The following VWA2 variants were observed in gnomAD, a reference collection of about 807,000 sequenced individuals.
VWA2 encodes the protein von Willebrand factor A domain-containing protein 2.
Under a neutral mutation model 70.4 loss-of-function variants are expected in VWA2, and 73 were observed. The observed-to-expected ratio is 1.04, with a 90% CI of 0.86 to 1.26. The LOEUF (loss-of-function observed/expected upper bound fraction) is 1.26. Among genes scored for constraint, VWA2 ranks in the 50% most tolerant of loss-of-function variants. The pLI, the probability that VWA2 is intolerant of heterozygous loss-of-function variation, is 0.00. For missense variants in VWA2, 1,011 were observed against 998.5 expected, an observed-to-expected ratio of 1.01 and a Z score of -0.17; for synonymous variants, 407 against 423.3, an observed-to-expected ratio of 0.96 and a Z score of 0.47.
chr10:114,259,664 G>A (rs1385422935), intron 4 of VWA2, among the ~76,000 whole-genome samples: 1 of 152,024 alleles, frequency 6.6e-6, no homozygotes, highest in African/African-American at 2.4e-5. Flanking sequence ...ATTTTTGGTA[G>A]ATTGCTCTCC....
chr10:114,284,542 GCT>G (rs1421323013), intron 9 of VWA2, among the ~76,000 whole-genome samples: 2 of 152,186 alleles, frequency 1.3e-5, no homozygotes, highest in African/African-American at 2.4e-5. Context: ...TGGCACCGCA[GCT>G]CTCTCTCAGT....
chr10:114,285,650 G>C (rs1343891409), intron 10 of VWA2, among the ~76,000 whole-genome samples: 1 of 152,212 alleles, frequency 6.6e-6, no homozygotes, highest in East Asian at 1.9e-4. Flanking sequence ...TCTTGAGGCA[G>C]ACAAAGATTT....
chr10:114,282,017 C>CTTTTTTTTTT (rs144974085), intron 8 of VWA2, among the ~76,000 whole-genome samples: 3 of 119,704 alleles, frequency 2.5e-5, no homozygotes, highest in African/African-American at 3.2e-5. Context: ...CTTATGTTAC[C>CTTTTTTTTTT]TTTTTTTTTT....
intron 8 of VWA2, chr10:114,281,616 T>G (rs1434537110): frequency 7.1e-6 from 3 of 425,492 alleles, no homozygotes; most frequent in Non-Finnish European, 9.4e-6. Flanking sequence ...AGTCATTGAG[T>G]CCAGTGGCTT....
At chr10:114,262,397 T>TAC (rs1184147761) in intron 5 of VWA2, among the ~76,000 whole-genome samples, 1 of 151,982 alleles carries the variant, frequency 6.6e-6, no homozygotes, top group Non-Finnish European at 1.5e-5. Context: ...TGTATATACA[T>TAC]ACACACATAT....
chr10:114,275,877 G>A (rs1345371731), intron 6 of VWA2, among the ~76,000 whole-genome samples: 1 of 152,316 alleles, frequency 6.6e-6, no homozygotes, highest in Non-Finnish European at 1.5e-5. Flanking sequence ...ACAGTGAGCC[G>A]AGATTACGCC....
At chr10:114,256,125 A>G (rs1351842703) in intron 4 of VWA2, among the ~76,000 whole-genome samples, 1 of 152,240 alleles carries the variant, frequency 6.6e-6, no homozygotes, top group East Asian at 1.9e-4. Flanking sequence ...ATTCTACAGT[A>G]CACATGCCCA....
intron 5 of VWA2, among the ~76,000 whole-genome samples, chr10:114,269,505 C>T (rs2037659152): frequency 1.3e-5 from 2 of 152,084 alleles, no homozygotes; most frequent in Admixed American, 1.3e-4. Context: ...CGCTTAAGCC[C>T]AGGTGGTGGA....
chr10:114,246,008 C>T (rs777842964), intron 1 of VWA2: 4 of 573,672 alleles, frequency 7.0e-6, no homozygotes, highest in Non-Finnish European at 1.3e-5. Context: ...ATTGGGTGGT[C>T]AGTACATGCT....
rs758577551 is a variant in VWA2, at chr10:114,291,270, C to T, written c.*33C>T. The T allele has an allele frequency of 1.9e-5, 29 of 1,544,794 alleles. No homozygotes were observed. Among genetic ancestry groups the T allele is most frequent in the Non-Finnish European group, 2.4e-5 (28 of 1,144,450 alleles). On this transcript the variant is annotated 3_prime_UTR_variant, in exon 14 of 14. Transcript: ENST00000392982. ...GGCTCCCGTGCAGGAGGGCAGCAGC[C>T]GTACCCCTCCCAGCAACTACAGAGA...
At chr10:114,288,469 A>ACAAACC (rs1274878101) in intron 11 of VWA2, among the ~76,000 whole-genome samples, 3 of 152,242 alleles carry the variant, frequency 2.0e-5, no homozygotes, top group Non-Finnish European at 2.9e-5. Flanking sequence ...AGGGTTGCCC[A>ACAAACC]CAAACCCAAA....
intron 5 of VWA2, among the ~76,000 whole-genome samples, chr10:114,265,864 C>A (rs2037550787): frequency 6.6e-6 from 1 of 152,108 alleles, no homozygotes; most frequent in Non-Finnish European, 1.5e-5. Context: ...TGATTTTTGG[C>A]CCCAGTTGTG....
chr10:114,241,138 C>A (rs1263621821), intron 1 of VWA2, among the ~76,000 whole-genome samples: 1 of 152,108 alleles, frequency 6.6e-6, no homozygotes, highest in Non-Finnish European at 1.5e-5. Flanking sequence ...CTCCTGTCCC[C>A]GCCTATGCAC....
intron 4 of VWA2, 64 bp downstream of exon 4, chr10:114,255,112 G>C: frequency 6.3e-7 from 1 of 1,586,452 alleles, no homozygotes; most frequent in Non-Finnish European, 8.6e-7. Context: ...CAGAAACCCG[G>C]TCTCAAGCAG....
chr10:114,272,997 C>A, intron 6 of VWA2, 63 bp downstream of exon 6: 1 of 1,449,556 alleles, frequency 6.9e-7, no homozygotes, highest in Non-Finnish European at 9.4e-7. Context: ...GTGACATGGC[C>A]ATGGGAGGGA....
intron 13 of VWA2, 149 bp from the exon 14 acceptor site, chr10:114,291,069 T>C: frequency 1.1e-6 from 1 of 922,062 alleles, no homozygotes; most frequent in Non-Finnish European, 1.7e-6. Context: ...TGGAGGATAA[T>C]CACATGGGGT....
chr10:114,280,367 G>GA (rs1457472376), intron 8 of VWA2, among the ~76,000 whole-genome samples: 4 of 151,910 alleles, frequency 2.6e-5, no homozygotes, highest in Non-Finnish European at 5.9e-5. Context: ...AATGAATACA[G>GA]AAAATAAACT....
chr10:114,284,718 C>A, intron 9 of VWA2, 145 bp from the exon 10 acceptor site: 1 of 734,202 alleles, frequency 1.4e-6, no homozygotes, highest in Non-Finnish European at 2.2e-6. Context: ...CCCCTCTCTG[C>A]TGCAGATTTC....
intron 5 of VWA2, among the ~76,000 whole-genome samples, chr10:114,262,603 G>C (rs2037468963): frequency 6.6e-6 from 1 of 152,062 alleles, no homozygotes; most frequent in Non-Finnish European, 1.5e-5. Flanking sequence ...CCTTTTTCCA[G>C]TTGCAAGCCT....
Sources: allele counts gnomAD v4.1 joint callset (sites outside exome capture counted in the v4.1 genomes callset), GRCh38; gene constraint gnomAD v4.1.1; transcripts MANE v1.5; gene names NCBI Gene and HGNC (gene_info 2026-07-23, HGNC 2026-07-21).